Variants in GRIP2 observed in about 807,000 individuals in gnomAD.
GRIP2 encodes glutamate receptor interacting protein 2.
A neutral mutation model predicts 108.3 loss-of-function variants in GRIP2; 58 were observed. That is an observed-to-expected ratio of 0.54 (90% CI 0.43 to 0.67). GRIP2 has a LOEUF of 0.67. Among genes scored for constraint, GRIP2 ranks in the 30% least tolerant of loss-of-function variants. GRIP2 has a pLI of 0.00. For synonymous variants in GRIP2, 586 were observed against 598.2 expected (o/e 0.98, Z 0.30); for missense variants, 1,278 against 1,430.6 (o/e 0.89, Z 1.72).
Position 14,507,809 on chromosome 3 carries a change from C to G in GRIP2, c.2079-109G>C. On this transcript the variant is annotated intron_variant, in intron 17 of 23. Transcript: ENST00000621039. This position sits in a 1 kb window ranked among gnomAD's most constrained non-coding sequence, Gnocchi z 4.6. ...AGCCACAAAGCAGAAGTCTGGCTGA[C>G]CCCAGTTAAACCCAGCTGCCAAAAA... 1 of 1,318,556 alleles carries G rather than the reference C, an allele frequency of 7.6e-7. No homozygotes were observed. Among genetic ancestry groups the G allele is most frequent in the Non-Finnish European group, 1.1e-6 (1 of 947,516 alleles). The allele number at this position is 1,318,556 out of a possible 1,614,324, so 81.7% of individuals were successfully genotyped here. A position where few individuals can be genotyped will look rare whatever the true frequency, so the allele number is the denominator to read the frequency against.
chr3:14,525,687 TG>T, intron 2 of GRIP2, 115 bp from the exon 3 acceptor site: 1 of 1,373,526 alleles, frequency 7.3e-7, no homozygotes, highest in Non-Finnish European at 1.0e-6. Context: ...TGCATTGCCC[TG>T]GGTGATGATC....
the GRIP2 span, among the ~76,000 whole-genome samples, chr3:14,579,303 T>C: frequency 6.6e-6 from 1 of 152,238 alleles, no homozygotes; most frequent in Non-Finnish European, 1.5e-5. Flanking sequence ...GTTCTAATTG[T>C]ACCTTGATTG....
the GRIP2 span, among the ~76,000 whole-genome samples, chr3:14,584,109 G>T: frequency 5.5e-4 from 84 of 152,316 alleles, 2 homozygotes; most frequent in East Asian, 0.013. Flanking sequence ...CAGGTCACTT[G>T]CCCAGGTCAC....
chr3:14,509,975 G>A lies in GRIP2; in HGVS notation c.1934-11C>T, dbSNP rs375935949. The A allele has an allele frequency of 8.8e-5, 130 of 1,477,420 alleles. No homozygotes were observed. The highest frequency in any genetic ancestry group is 3.2e-4 in the African/African-American group (23 of 71,410). 91.5% of individuals were successfully genotyped at this position (1,477,420 alleles called of 1,614,324 possible). A position where few individuals can be genotyped will look rare whatever the true frequency, so the allele number is the denominator to read the frequency against. On this transcript the variant is annotated splice_polypyrimidine_tract_variant and intron_variant, in intron 16 of 23. Transcript: ENST00000621039. ...TGGTCTCCAGCTCATCTGCAAGCAC[G>A]GGGACCCATGAGGAGGAGGCCCCCG...
At chr3:14,565,030 C>T in the GRIP2 span, among the ~76,000 whole-genome samples, 144 of 152,356 alleles carry the variant, frequency 9.5e-4, 3 homozygotes, top group East Asian at 0.025. Flanking sequence ...CACAGCCGGG[C>T]ACCCGAGCTC....
At chr3:14,573,932 G>A in the GRIP2 span, 2 of 1,105,892 alleles carry the variant, frequency 1.8e-6, no homozygotes, top group African/African-American at 1.5e-5. Flanking sequence ...AGTGCTTCTC[G>A]TGCTCGCGCC....
chr3:14,556,040 A>G (rs1695233289), exon 1 of GRIP2: 5 of 398,588 alleles, frequency 1.3e-5, no homozygotes, highest in Non-Finnish European at 2.2e-5. Flanking sequence ...CCCGCTCCAG[A>G]GCTGCTTGCG....
chr3:14,528,172 T>G (rs932474936), intron 1 of GRIP2, among the ~76,000 whole-genome samples: 5 of 152,246 alleles, frequency 3.3e-5, no homozygotes, highest in Non-Finnish European at 5.9e-5. Context: ...ATGTACGCTT[T>G]TGAGTCTAGT....
Position 14,521,787 on chromosome 3 carries a change from C to T in GRIP2, c.567G>A (p.Arg189=). ...TYVRPGGPAD[R]EGSLKVGDRL... is the part of the protein sequence containing the mutation. ...TGTCGCCCACCTTCAGGGAGCCCTCCCTGTAGGGAAGGGCCAGTCACCAGC... is the reference window on the plus strand; with the variant it reads ...TGTCGCCCACCTTCAGGGAGCCCTCTCTGTAGGGAAGGGCCAGTCACCAGC... The change falls in exon 7 of 24, where the codon AGG becomes AGA. Residue 189 remains arginine, a splice_region_variant and synonymous_variant. Coordinates refer to ENST00000621039, the MANE Select transcript of GRIP2 (RefSeq NM_001080423.4). The surrounding 1 kb of genome is among the most constrained non-coding windows in gnomAD (Gnocchi z 5.1). The T allele has an allele frequency of 1.3e-6, 2 of 1,592,530 alleles. No individual in the cohort carries two copies. Among genetic ancestry groups the T allele is most frequent in the South Asian group, 2.3e-5 (2 of 87,302 alleles).
At chr3:14,539,957 G>A (rs1033937869) in intron 1 of GRIP2, among the ~76,000 whole-genome samples, 3 of 152,144 alleles carry the variant, frequency 2.0e-5, no homozygotes, top group African/African-American at 4.8e-5. Flanking sequence ...AAAAGGCTTC[G>A]CTCACACCCA....
chr3:14,495,720 A>G (rs1407331047), intron 22 of GRIP2, among the ~76,000 whole-genome samples: 1 of 152,126 alleles, frequency 6.6e-6, no homozygotes, highest in Non-Finnish European at 1.5e-5. Context: ...CTTTTTATAT[A>G]ATGACCTATA....
In GRIP2 at chr3:14,540,340, C is replaced by T. The variant is rs1422872970; in HGVS notation, c.-32G>A. 2 of 1,612,960 alleles carry T rather than the reference C, an allele frequency of 1.2e-6. No individual in the cohort carries two copies. The highest frequency in any genetic ancestry group is 1.3e-5 in the African/African-American group (1 of 74,900). ...TATTGTCTCCCCTGCTGCCCACCAACTCCCTCGGGAGCCACGCTGCTTGGC... is the reference window on the plus strand; with the variant it reads ...TATTGTCTCCCCTGCTGCCCACCAATTCCCTCGGGAGCCACGCTGCTTGGC... On this transcript the variant is annotated 5_prime_UTR_variant, in exon 1 of 24. Coordinates refer to ENST00000621039, the MANE Select transcript of GRIP2 (RefSeq NM_001080423.4). The surrounding 1 kb of genome is among the most constrained non-coding windows in gnomAD (Gnocchi z 4.1).
At chr3:14,583,001 G>C in the GRIP2 span, among the ~76,000 whole-genome samples, 8 of 152,334 alleles carry the variant, frequency 5.3e-5, no homozygotes, top group Middle Eastern at 3.4e-3. Flanking sequence ...AACCCTGTTA[G>C]GTAGACACTG....
chr3:14,552,636 T>TC (rs1695169637), intron 1 of GRIP2, among the ~76,000 whole-genome samples: 22 of 32,848 alleles, frequency 6.7e-4, no homozygotes, highest in Admixed American at 2.6e-3. Flanking sequence ...CTCTCTCTCT[T>TC]TTTTTTTTTT....
intron 1 of GRIP2, among the ~76,000 whole-genome samples, chr3:14,532,633 C>A (rs1403772483): frequency 6.6e-6 from 1 of 152,100 alleles, no homozygotes. Flanking sequence ...GGGGACTCAA[C>A]CTGGGTCAGG....
rs1283382412 is a variant in GRIP2, at chr3:14,522,070, A to G, written c.567-283T>C. On this transcript the variant is annotated intron_variant, in intron 6 of 23. Coordinates refer to ENST00000621039, the MANE Select transcript of GRIP2 (RefSeq NM_001080423.4). The surrounding 1 kb of genome is among the most constrained non-coding windows in gnomAD (Gnocchi z 4.3). ...CAGTAATTCACAGACTCAGTGCAGA[A>G]CCCTGAAATGTCTGAGCTGGGGGTG... The G allele has an allele frequency of 5.1e-5, 22 of 428,678 alleles. No homozygotes were observed. The highest frequency in any genetic ancestry group is 6.1e-4 in the Middle Eastern group (1 of 1,636). The allele number at this position is 428,678 out of a possible 1,614,324, so 26.6% of individuals were successfully genotyped here.
At chr3:14,592,999 T>G in the GRIP2 span, among the ~76,000 whole-genome samples, 2 of 152,212 alleles carry the variant, frequency 1.3e-5, no homozygotes, top group African/African-American at 4.8e-5. Context: ...CTTGAGTATT[T>G]TCTGCTCCAC....
rs139613310 is a variant in GRIP2, at chr3:14,523,736, C to T, written c.404-38G>A. Reference sequence around the variant, plus strand: ...GGAGGACTCCTTTGAGTCCCTCAGTCGCATCTCCAGGCCGGTAGATGTGCC... The same window carrying T: ...GGAGGACTCCTTTGAGTCCCTCAGTTGCATCTCCAGGCCGGTAGATGTGCC... On this transcript the variant is annotated intron_variant, in intron 4 of 23. Coordinates refer to ENST00000621039, the MANE Select transcript of GRIP2 (RefSeq NM_001080423.4). 566 of 1,415,852 alleles carry T rather than the reference C, an allele frequency of 4.0e-4. 4 individuals carry two copies. The Middle Eastern group carries it at 6.6e-3, about 16-fold the overall frequency. The allele number at this position is 1,415,852 out of a possible 1,614,324, so 87.7% of individuals were successfully genotyped here.
intron 17 of GRIP2, among the ~76,000 whole-genome samples, chr3:14,508,725 C>T (rs1025600580): frequency 2.6e-5 from 4 of 152,100 alleles, no homozygotes; most frequent in Non-Finnish European, 4.4e-5. Flanking sequence ...AAGCAGAAAA[C>T]TCACACCAGA....
Sources: allele counts gnomAD v4.1 joint callset (sites outside exome capture counted in the v4.1 genomes callset), GRCh38; gene constraint gnomAD v4.1.1; non-coding constraint Gnocchi (gnomAD v3.1); transcripts MANE v1.5; gene names NCBI Gene and HGNC (gene_info 2026-07-23, HGNC 2026-07-21).